EDIL3: variants seen among roughly 807,000 people sequenced by gnomAD.
EDIL3 encodes the protein EGF like and discoidin domains 3.
EDIL3 carries 37 observed loss-of-function variants against 67.4 expected under a neutral mutation model. The ratio of observed to expected loss-of-function variants is 0.55; its 90% CI spans 0.42 to 0.72. The LOEUF is 0.72. Among genes scored for constraint, EDIL3 ranks in the 30% least tolerant of loss-of-function variants. The probability of loss-of-function intolerance (pLI) is 0.00; values close to 1 mark genes in which losing one functional copy is unlikely to be tolerated. For missense variants in EDIL3, 527 were observed against 586.3 expected, an observed-to-expected ratio of 0.90 and a Z score of 1.04; for synonymous variants, 195 against 196.3, an observed-to-expected ratio of 0.99 and a Z score of 0.05.
chr5:84,342,517 A>G (rs1015127734), intron 1 of EDIL3, among the ~76,000 whole-genome samples: 4 of 152,050 alleles, frequency 2.6e-5, no homozygotes. Flanking sequence ...CTTCACCACT[A>G]CACAATATAT....
At chr5:83,998,705 T>G (rs1343564843) in intron 9 of EDIL3, among the ~76,000 whole-genome samples, 2 of 152,194 alleles carry the variant, frequency 1.3e-5, no homozygotes, top group African/African-American at 4.8e-5. Flanking sequence ...GAAGGCAACC[T>G]GCTGCCATGA....
At chr5:84,126,673 G>T (rs1167589236) in intron 5 of EDIL3, among the ~76,000 whole-genome samples, 1 of 151,974 alleles carries the variant, frequency 6.6e-6, no homozygotes, top group Non-Finnish European at 1.5e-5. Flanking sequence ...ATTTGTAGTT[G>T]ATGAAAATTT....
At chr5:84,052,138 G>C (rs1331496098) in intron 9 of EDIL3, among the ~76,000 whole-genome samples, 6 of 152,218 alleles carry the variant, frequency 3.9e-5, no homozygotes, top group African/African-American at 1.2e-4. Context: ...AGCCAGAAGA[G>C]AGTGGGGGCC....
chr5:84,213,345 G>C (rs1744166713), intron 3 of EDIL3, among the ~76,000 whole-genome samples: 1 of 151,868 alleles, frequency 6.6e-6, no homozygotes, highest in Non-Finnish European at 1.5e-5. Context: ...TGTTTTTCTT[G>C]GTAGCTGAGT....
chr5:84,082,870 G>A (rs911257769), intron 6 of EDIL3, among the ~76,000 whole-genome samples: 12 of 152,106 alleles, frequency 7.9e-5, no homozygotes, highest in African/African-American at 2.9e-4. Context: ...GAATTAACCA[G>A]ATTATTGAAT....
intron 5 of EDIL3, among the ~76,000 whole-genome samples, chr5:84,128,383 T>C (rs1580340059): frequency 6.6e-6 from 1 of 152,066 alleles, no homozygotes; most frequent in Non-Finnish European, 1.5e-5. Context: ...AATTTCCCCA[T>C]TGTGAAATAA....
chr5:83,977,181 GCCAATTTGTGCTACCA>G (rs2112144611), intron 9 of EDIL3, among the ~76,000 whole-genome samples: 1 of 151,856 alleles, frequency 6.6e-6, no homozygotes, highest in South Asian at 2.1e-4. Context: ...ATATGGTTTT[GCCAATTTGTGCTACCA>G]CCATCAAGAT....
At chr5:84,003,408 A>C (rs150250248) in intron 9 of EDIL3, among the ~76,000 whole-genome samples, 1 of 152,306 alleles carries the variant, frequency 6.6e-6, no homozygotes, top group African/African-American at 2.4e-5. Flanking sequence ...CCAGGGTGCC[A>C]AGCTAAGGTC....
At chr5:84,094,228 AT>A (rs1747220004) in intron 6 of EDIL3, among the ~76,000 whole-genome samples, 1 of 152,228 alleles carries the variant, frequency 6.6e-6, no homozygotes, top group African/African-American at 2.4e-5. Context: ...ACAACTATGT[AT>A]GAAAAACTCA....
chr5:84,143,831 G>T (rs754893620), intron 4 of EDIL3, among the ~76,000 whole-genome samples: 4 of 151,870 alleles, frequency 2.6e-5, no homozygotes, highest in Non-Finnish European at 5.9e-5. Context: ...CCACAACAAG[G>T]GATGTTACCT....
At chr5:84,202,261 C>T (rs1159972326) in intron 3 of EDIL3, among the ~76,000 whole-genome samples, 1 of 152,016 alleles carries the variant, frequency 6.6e-6, no homozygotes, top group Non-Finnish European at 1.5e-5. Flanking sequence ...CTTGTCAGCC[C>T]GAGACCCTGG....
chr5:84,004,688 GTGT>G (rs1451856220), intron 9 of EDIL3, among the ~76,000 whole-genome samples: 2 of 152,066 alleles, frequency 1.3e-5, no homozygotes, highest in African/African-American at 4.8e-5. Flanking sequence ...AGCTAAGGTA[GTGT>G]TAAGATGAAA....
chr5:84,191,484 C>T (rs1743583608), intron 3 of EDIL3, among the ~76,000 whole-genome samples: 1 of 152,028 alleles, frequency 6.6e-6, no homozygotes, highest in African/African-American at 2.4e-5. Context: ...TCAGGTCTCA[C>T]ATGTGGCTTC....
intron 6 of EDIL3, among the ~76,000 whole-genome samples, chr5:84,080,014 G>A (rs1746932760): frequency 6.9e-6 from 1 of 145,376 alleles, no homozygotes; most frequent in Admixed American, 7.1e-5. Flanking sequence ...GTTCACGCCT[G>A]TAATCCCAGC....
chr5:84,058,714 G>C (rs1746491231), intron 9 of EDIL3, among the ~76,000 whole-genome samples: 1 of 152,162 alleles, frequency 6.6e-6, no homozygotes, highest in Admixed American at 6.6e-5. Context: ...TGTAAGCTAA[G>C]TCAGATAACA....
chr5:84,321,531 G>T (rs573201941), intron 1 of EDIL3, among the ~76,000 whole-genome samples: 14 of 152,050 alleles, frequency 9.2e-5, no homozygotes, highest in Non-Finnish European at 1.8e-4. Context: ...TTCTGGTAAC[G>T]CATCGATGGT....
chr5:84,069,663 C>T (rs1202114209), intron 6 of EDIL3, among the ~76,000 whole-genome samples: 2 of 151,870 alleles, frequency 1.3e-5, no homozygotes, highest in Admixed American at 6.6e-5. Context: ...TTATAAAAGC[C>T]GATAATCATA....
At chr5:83,986,774 C>CTACT (rs1210887552) in intron 9 of EDIL3, among the ~76,000 whole-genome samples, 1 of 152,014 alleles carries the variant, frequency 6.6e-6, no homozygotes, top group Non-Finnish European at 1.5e-5. Context: ...AGGAGTTAGA[C>CTACT]AGTGGAGAAA....
intron 1 of EDIL3, among the ~76,000 whole-genome samples, chr5:84,359,460 T>C (rs939678645): frequency 4.6e-5 from 7 of 152,228 alleles, no homozygotes; most frequent in Admixed American, 2.6e-4. Context: ...AACAGTTTGG[T>C]CCTCTAATGG....
Sources: gnomAD v4.1 joint callset for allele counts (sites outside exome capture counted in the v4.1 genomes callset) on GRCh38, gnomAD v4.1.1 for gene constraint, MANE v1.5 for transcripts, NCBI Gene and HGNC (gene_info 2026-07-23, HGNC 2026-07-21) for gene names.